The following ARHGEF4 variants were observed in gnomAD, a reference collection of about 807,000 sequenced individuals.
The protein encoded by ARHGEF4 is Rho guanine nucleotide exchange factor 4, also known as APC-stimulated guanine nucleotide exchange factor 1.
In ARHGEF4, 119 loss-of-function variants were observed where a neutral mutation model predicts 162.0. The observed-to-expected ratio is 0.73, with a 90% CI of 0.63 to 0.86. ARHGEF4 has a LOEUF of 0.86. ARHGEF4 is among the 40% of genes least tolerant of loss of function. The probability of loss-of-function intolerance (pLI) is 0.00; values close to 1 mark genes in which losing one functional copy is unlikely to be tolerated. For synonymous variants in ARHGEF4, 1,014 were observed against 979.9 expected (o/e 1.03, Z -0.65); for missense variants, 2,488 against 2,456.0 (o/e 1.01, Z -0.28).
chr2:130,900,736 G>C (rs1297684069), intron 1 of ARHGEF4, among the ~76,000 whole-genome samples: 3 of 152,110 alleles, frequency 2.0e-5, no homozygotes, highest in African/African-American at 7.2e-5. Context: ...GATGATTCTG[G>C]TTGTGACGAG....
At position 131,017,362 on chromosome 2, in the gene ARHGEF4, C is replaced by T. The variant is rs1490840496; in HGVS notation, c.3986-10583C>T. 2.6e-5 allele frequency among the ~76,000 whole-genome samples: 4 copies of T among 152,194 alleles called. No individual in the cohort carries two copies. The South Asian group carries it at 8.3e-4, about 32-fold the overall frequency. ...TCACTCCCTCTCCCACGAATGCCTG[C>T]TCAACCTTCCGTTCATGCAGTTGTG... is the stretch of plus-strand genomic sequence containing the variant. On this transcript the variant is annotated intron_variant, in intron 4 of 13. Transcript: ENST00000409359.
chr2:130,881,737 G>A (rs1013183847), intron 1 of ARHGEF4, among the ~76,000 whole-genome samples: 47 of 152,254 alleles, frequency 3.1e-4, no homozygotes, highest in African/African-American at 1.1e-3. Flanking sequence ...CTGGAGGGCG[G>A]CCCTTGCGTG....
At chr2:130,837,871 G>A (rs1680313483) in intron 1 of ARHGEF4, among the ~76,000 whole-genome samples, 1 of 152,186 alleles carries the variant, frequency 6.6e-6, no homozygotes, top group Admixed American at 6.5e-5. Flanking sequence ...AGGGCGGGAG[G>A]GCGCCCTACT....
At chr2:130,918,973 A>G (rs889463078) in intron 2 of ARHGEF4, among the ~76,000 whole-genome samples, 13 of 152,142 alleles carry the variant, frequency 8.5e-5, no homozygotes, top group Admixed American at 8.5e-4. Flanking sequence ...CCCTATACTA[A>G]GGTGTCTCAT....
At chr2:130,870,111 C>A (rs1431347734) in intron 1 of ARHGEF4, among the ~76,000 whole-genome samples, 1 of 152,184 alleles carries the variant, frequency 6.6e-6, no homozygotes, top group East Asian at 1.9e-4. Flanking sequence ...TGCTGTCAAC[C>A]CCTGCAGGGC....
chr2:131,041,293 T>G lies in ARHGEF4; in HGVS notation c.4726T>G (p.Ser1576Ala), dbSNP rs1690794407. 6.2e-7 allele frequency: 1 copy of G among 1,613,822 alleles called. No individual in the cohort carries two copies. Among genetic ancestry groups the G allele is most frequent in the African/African-American group, 1.3e-5 (1 of 74,934 alleles). ...NNHPNACVEL[S>A]RLTKLSKYVY... ...CCACCCCAACGCCTGCGTGGAGCTCTCCCGGCTCACCAAGCTCAGCAAGTA... is the reference window on the plus strand; with the variant it reads ...CCACCCCAACGCCTGCGTGGAGCTCGCCCGGCTCACCAAGCTCAGCAAGTA... Residue 1576 changes from serine (S) to alanine (A), a missense_variant, in exon 9 of 14, where the codon TCC (serine) becomes GCC (alanine). Ser to Ala is a moderately conservative substitution (Grantham distance 99). Around this residue, in one of 6 missense-constraint regions of ARHGEF4, gnomAD observed 415 missense variants for 512.4 expected, o/e 0.81. Transcript: ENST00000409359.
intron 4 of ARHGEF4, among the ~76,000 whole-genome samples, chr2:130,952,572 G>C (rs991601704): frequency 3.3e-5 from 5 of 152,136 alleles, no homozygotes; most frequent in African/African-American, 1.2e-4. Context: ...GGGCAATCAG[G>C]CAAGAGAAAG....
chr2:131,024,909 G>T (rs955647363), intron 4 of ARHGEF4, among the ~76,000 whole-genome samples: 1 of 152,162 alleles, frequency 6.6e-6, no homozygotes, highest in African/African-American at 2.4e-5. Context: ...CATAATAGAA[G>T]TTTTTAAACA....
chr2:130,853,680 G>GCCTA (rs1285580628), intron 1 of ARHGEF4, among the ~76,000 whole-genome samples: 1 of 152,198 alleles, frequency 6.6e-6, no homozygotes, highest in African/African-American at 2.4e-5. Flanking sequence ...TCTCCTAGGG[G>GCCTA]CCTATGGTGC....
chr2:130,966,509 T>A (rs1427148350), intron 4 of ARHGEF4, among the ~76,000 whole-genome samples: 1 of 152,232 alleles, frequency 6.6e-6, no homozygotes, highest in Non-Finnish European at 1.5e-5. Context: ...CAATATTCCC[T>A]GCTAATCTGG....
intron 1 of ARHGEF4, among the ~76,000 whole-genome samples, chr2:130,856,164 A>C (rs182092085): frequency 6.6e-6 from 1 of 152,356 alleles, no homozygotes; most frequent in East Asian, 1.9e-4. Flanking sequence ...CTCTTCAAAT[A>C]CATAATATTG....
At chr2:130,988,041 T>C (rs1223757733) in intron 4 of ARHGEF4, among the ~76,000 whole-genome samples, 1 of 152,132 alleles carries the variant, frequency 6.6e-6, no homozygotes, top group African/African-American at 2.4e-5. Context: ...CCAAGGGCGT[T>C]CATGAGGATT....
intron 1 of ARHGEF4, among the ~76,000 whole-genome samples, chr2:130,867,355 C>T (rs1017045171): frequency 6.6e-6 from 1 of 151,968 alleles, no homozygotes; most frequent in Non-Finnish European, 1.5e-5. Flanking sequence ...TCTCCTGCCT[C>T]AGCCTCTTGA....
intron 5 of ARHGEF4, chr2:131,035,554 T>G (rs1001752523): frequency 1.1e-5 from 7 of 645,584 alleles, no homozygotes; most frequent in Non-Finnish European, 1.4e-5. Context: ...CGGATTCAGC[T>G]GGGGCTCCCC....
intron 4 of ARHGEF4, among the ~76,000 whole-genome samples, chr2:131,024,249 A>ATGTTT (rs1460355277): frequency 4.7e-4 from 71 of 152,154 alleles, no homozygotes; most frequent in African/African-American, 1.2e-3. Context: ...ACAATAAAAC[A>ATGTTT]TCTTTTGTTT....
At chr2:131,007,234 A>G (rs1343930552) in intron 4 of ARHGEF4, among the ~76,000 whole-genome samples, 3 of 152,140 alleles carry the variant, frequency 2.0e-5, no homozygotes, top group Non-Finnish European at 4.4e-5. Flanking sequence ...TGTCTATTCC[A>G]AGGAGCCTCC....
intron 4 of ARHGEF4, among the ~76,000 whole-genome samples, chr2:131,000,807 C>CAA (rs201684055): frequency 2.2e-4 from 33 of 150,308 alleles, no homozygotes; most frequent in Middle Eastern, 3.4e-3. Context: ...AAGGCAAAGC[C>CAA]AAAAAAAAGC....
rs1338425945 is a variant in ARHGEF4 at position 131,046,267 on chromosome 2, C to A, written c.*78C>A. The A allele has an allele frequency of 4.2e-6, 6 of 1,431,742 alleles. No homozygotes were observed. The Admixed American group carries it at 1.0e-4, about 24-fold the overall frequency. 88.7% of individuals were successfully genotyped at this position (1,431,742 alleles called of 1,614,324 possible). On this transcript the variant is annotated 3_prime_UTR_variant, in exon 14 of 14. Coordinates refer to ENST00000409359, the MANE Select transcript of ARHGEF4 (RefSeq NM_001367493.1). Reference sequence around the variant, plus strand: ...TTTTTCTTCCCCGAGGCCCACTCGGCCTGGCCTTCCTCTGCCTGCAAGTGA... The same window carrying A: ...TTTTTCTTCCCCGAGGCCCACTCGGACTGGCCTTCCTCTGCCTGCAAGTGA...
chr2:130,987,722 C>T (rs540962153), intron 4 of ARHGEF4, among the ~76,000 whole-genome samples: 1 of 152,316 alleles, frequency 6.6e-6, no homozygotes, highest in South Asian at 2.1e-4. Flanking sequence ...TGGCTGAGAG[C>T]CTGCAGACCC....
Sources: gnomAD v4.1 joint callset for allele counts (sites outside exome capture counted in the v4.1 genomes callset) on GRCh38, gnomAD v4.1.1 for gene constraint, gnomAD v4.1.1 regional missense constraint, MANE v1.5 for transcripts, NCBI Gene and HGNC (gene_info 2026-07-23, HGNC 2026-07-21) for gene names.